FAT3: variants seen among roughly 807,000 people sequenced by gnomAD.
FAT3 encodes the protein protocadherin Fat 3.
A neutral mutation model predicts 310.2 loss-of-function variants in FAT3; 95 were observed. That is an observed-to-expected ratio of 0.31 (90% confidence interval 0.26 to 0.36). FAT3 has a LOEUF of 0.36. Among genes scored for constraint, FAT3 ranks in the 10% least tolerant of loss-of-function variants. FAT3 has a pLI of 1.00. For synonymous variants in FAT3, 2,314 were observed against 2,192.9 expected (o/e 1.06, Z -1.54); for missense variants, 5,408 against 5,715.6 (o/e 0.95, Z 1.74).
intron 4 of FAT3, among the ~76,000 whole-genome samples, chr11:92,755,362 A>G (rs139537338): frequency 7.4e-4 from 112 of 152,206 alleles, no homozygotes; most frequent in African/African-American, 2.3e-3. Flanking sequence ...ATCTGGGATT[A>G]CAGGCACGCA....
At chr11:92,596,183 G>T (rs975704826) in intron 3 of FAT3, among the ~76,000 whole-genome samples, 13 of 152,048 alleles carry the variant, frequency 8.5e-5, no homozygotes, top group Non-Finnish European at 1.3e-4. Flanking sequence ...ACTCGTGTTG[G>T]GTAGGCACCC....
chr11:92,226,159 T>TG (rs1476162140), intron 1 of FAT3, among the ~76,000 whole-genome samples: 1 of 151,450 alleles, frequency 6.6e-6, no homozygotes, highest in East Asian at 2.0e-4. Flanking sequence ...TGGACCATCT[T>TG]GGCGCGGCGC....
At chr11:92,831,122 C>A (rs971436669) in intron 13 of FAT3, among the ~76,000 whole-genome samples, 38 of 152,154 alleles carry the variant, frequency 2.5e-4, no homozygotes, top group African/African-American at 7.7e-4. Flanking sequence ...CACAGCTCAC[C>A]AGTGGCTTCC....
chr11:92,637,652 A>C (rs748400534), intron 3 of FAT3, among the ~76,000 whole-genome samples: 2 of 152,194 alleles, frequency 1.3e-5, no homozygotes, highest in Admixed American at 1.3e-4. Flanking sequence ...AACATACGTT[A>C]AGAACTATAG....
chr11:92,295,403 G>A (rs2134408641), intron 1 of FAT3, among the ~76,000 whole-genome samples: 1 of 152,208 alleles, frequency 6.6e-6, no homozygotes, highest in East Asian at 1.9e-4. Context: ...AGGGAGTTGA[G>A]GAAAAGGAAG....
intron 1 of FAT3, among the ~76,000 whole-genome samples, chr11:92,281,065 G>A (rs1054311579): frequency 1.6e-4 from 24 of 152,102 alleles, no homozygotes; most frequent in African/African-American, 5.5e-4. Context: ...TAAATATGCA[G>A]TAAGGGATTG....
At chr11:92,466,240 A>G (rs1386115176) in intron 2 of FAT3, among the ~76,000 whole-genome samples, 9 of 152,174 alleles carry the variant, frequency 5.9e-5, no homozygotes, top group Non-Finnish European at 1.0e-4. Flanking sequence ...TTGTCTCCAA[A>G]TATATATTAT....
At chr11:92,774,816 C>T (rs1333059961) in intron 7 of FAT3, among the ~76,000 whole-genome samples, 6 of 151,980 alleles carry the variant, frequency 3.9e-5, no homozygotes, top group Non-Finnish European at 7.4e-5. Context: ...CAGCCAGGGT[C>T]GAGGACCGCT....
At chr11:92,541,412 T>A (rs888317065) in intron 3 of FAT3, among the ~76,000 whole-genome samples, 1 of 152,174 alleles carries the variant, frequency 6.6e-6, no homozygotes, top group Non-Finnish European at 1.5e-5. Flanking sequence ...TCCTAACTGC[T>A]TTTGTTTAAA....
At chr11:92,881,626 A>C (rs1949672662) in intron 23 of FAT3, among the ~76,000 whole-genome samples, 1 of 152,242 alleles carries the variant, frequency 6.6e-6, no homozygotes, top group South Asian at 2.1e-4. Flanking sequence ...TGTTCAAATT[A>C]GGTTTCGTTT....
intron 4 of FAT3, among the ~76,000 whole-genome samples, chr11:92,734,995 A>T (rs1945300217): frequency 1.3e-5 from 2 of 152,154 alleles, no homozygotes; most frequent in Non-Finnish European, 2.9e-5. Flanking sequence ...TAGATTTTAG[A>T]TAGTTCTAGG....
chr11:92,492,050 C>T (rs913033073), intron 2 of FAT3, among the ~76,000 whole-genome samples: 1 of 152,028 alleles, frequency 6.6e-6, no homozygotes. Flanking sequence ...TATAGTGGTA[C>T]TCAGTGTGTT....
At chr11:92,290,130 C>A (rs1012465930) in intron 1 of FAT3, among the ~76,000 whole-genome samples, 1 of 152,078 alleles carries the variant, frequency 6.6e-6, no homozygotes, top group Non-Finnish European at 1.5e-5. Flanking sequence ...ACCTTCTTGT[C>A]TTTATTCAAA....
intron 2 of FAT3, among the ~76,000 whole-genome samples, chr11:92,407,770 G>A (rs745843320): frequency 2.0e-5 from 3 of 152,066 alleles, no homozygotes; most frequent in Non-Finnish European, 4.4e-5. Flanking sequence ...ATTAAGCAGC[G>A]GCTTGTAGGG....
chr11:92,421,227 A>G (rs1001742588), intron 2 of FAT3, among the ~76,000 whole-genome samples: 1 of 152,042 alleles, frequency 6.6e-6, no homozygotes, highest in African/African-American at 2.4e-5. Flanking sequence ...TTCGAATTTA[A>G]CTCTTAATTT....
At chr11:92,680,729 A>G (rs1943458482) in intron 3 of FAT3, among the ~76,000 whole-genome samples, 1 of 152,170 alleles carries the variant, frequency 6.6e-6, no homozygotes, top group African/African-American at 2.4e-5. Context: ...TCTCATCTCA[A>G]TTCATATTCA....
intron 2 of FAT3, among the ~76,000 whole-genome samples, chr11:92,514,965 A>T (rs1953429855): frequency 6.6e-6 from 1 of 152,158 alleles, no homozygotes; most frequent in Admixed American, 6.6e-5. Context: ...GATTTGGAAC[A>T]GAGTCTGGGT....
At position 92,269,355 on chromosome 11, in the gene FAT3, CAAGT is replaced by C. The variant is rs143869131; in HGVS notation, c.-18+44183_-18+44186del. Reference sequence around the variant, plus strand: ...TTAGGTCTGTGTTCACACCAGCAAGCAAGTATGTAGTGGGTCAGGTAGACACTGG... The same window carrying C: ...TTAGGTCTGTGTTCACACCAGCAAGCATGTAGTGGGTCAGGTAGACACTGG... On this transcript the variant is annotated intron_variant, in intron 1 of 27. Transcript: ENST00000525166. 8.5e-4 allele frequency among the ~76,000 whole-genome samples: 130 copies of C among 152,188 alleles called. 1 individual carries two copies. In the East Asian group the frequency reaches 0.023, roughly 27 times the overall value.
intron 22 of FAT3, 97 bp downstream of exon 22, chr11:92,867,306 C>G: frequency 8.0e-7 from 1 of 1,253,370 alleles, no homozygotes; most frequent in Non-Finnish European, 1.1e-6. Flanking sequence ...AAGGACTCTA[C>G]TAGAGAGGAG....
Sources: allele counts gnomAD v4.1 joint callset (sites outside exome capture counted in the v4.1 genomes callset), GRCh38; gene constraint gnomAD v4.1.1; transcripts MANE v1.5; gene names NCBI Gene and HGNC (gene_info 2026-07-23, HGNC 2026-07-21).